Variants in COL19A1 observed in about 807,000 individuals in gnomAD.
COL19A1 encodes the protein collagen alpha-1(XIX) chain.
In COL19A1, 159 loss-of-function variants were observed where a neutral mutation model predicts 190.2. That is an observed-to-expected ratio of 0.84 (90% CI 0.73 to 0.95). COL19A1 has a LOEUF of 0.95. Ranked by LOEUF, COL19A1 falls within the 40% of genes least tolerant of loss-of-function variation. The probability of loss-of-function intolerance (pLI) is 0.00; values close to 1 mark genes in which losing one functional copy is unlikely to be tolerated. For missense variants in COL19A1, 1,418 were observed against 1,431.9 expected (o/e 0.99, Z 0.16); for synonymous variants, 509 against 458.9 (o/e 1.11, Z -1.39).
At chr6:70,069,070 T>G (rs949576373) in intron 15 of COL19A1, among the ~76,000 whole-genome samples, 1 of 152,130 alleles carries the variant, frequency 6.6e-6, no homozygotes, top group African/African-American at 2.4e-5. Flanking sequence ...GACCCCATTC[T>G]TGTGTTTTAC....
intron 48 of COL19A1, among the ~76,000 whole-genome samples, chr6:70,197,380 G>A (rs1265150457): frequency 6.6e-6 from 1 of 151,866 alleles, no homozygotes; most frequent in Admixed American, 6.6e-5. Flanking sequence ...CTGAGATCAC[G>A]CCACTGCACT....
At chr6:70,171,301 C>T (rs1392742225) in intron 40 of COL19A1, among the ~76,000 whole-genome samples, 1 of 152,162 alleles carries the variant, frequency 6.6e-6, no homozygotes, top group East Asian at 1.9e-4. Flanking sequence ...TAGCAACTTC[C>T]TTCACCACAG....
rs138668452 is a variant in COL19A1, at chr6:70,122,834, C to G, written c.1341+892C>G. ...CTAGCTAATTATAAAATCCCAGTTTCTCTCTCTTCAGAACAAGGTCAACAT... is the reference window on the plus strand; with the variant it reads ...CTAGCTAATTATAAAATCCCAGTTTGTCTCTCTTCAGAACAAGGTCAACAT... On this transcript the variant is annotated intron_variant, in intron 17 of 50. Transcript: ENST00000620364. 1.0e-3 allele frequency among the ~76,000 whole-genome samples: 157 copies of G among 152,256 alleles called. 2 individuals carry two copies. The highest frequency in any genetic ancestry group is 3.7e-3 in the African/African-American group (153 of 41,544).
intron 9 of COL19A1, among the ~76,000 whole-genome samples, chr6:69,949,339 A>G (rs1421269186): frequency 6.6e-6 from 1 of 151,698 alleles, no homozygotes; most frequent in Non-Finnish European, 1.5e-5. Flanking sequence ...CTAACTTGTC[A>G]CTTCATTTAG....
chr6:70,150,173 C>T lies in COL19A1; in HGVS notation c.2037+128C>T, dbSNP rs572305339. The T allele has an allele frequency of 1.2e-4, 115 of 969,360 alleles. 4 individuals carry two copies. The Admixed American group carries it at 2.1e-3, about 17-fold the overall frequency. The allele number at this position is 969,360 out of a possible 1,614,324, so 60.0% of individuals were successfully genotyped here. On this transcript the variant is annotated intron_variant, in intron 30 of 50. Transcript: ENST00000620364. ...TGACTGCTTGGTGATTTTGTTTATC[C>T]CCATTATTTTGTCGAGTGAAAAAAA...
At chr6:70,091,819 C>T (rs1782943573) in intron 15 of COL19A1, among the ~76,000 whole-genome samples, 1 of 152,112 alleles carries the variant, frequency 6.6e-6, no homozygotes, top group African/African-American at 2.4e-5. Context: ...GAAACCCTAA[C>T]CTTACTTTGG....
intron 16 of COL19A1, among the ~76,000 whole-genome samples, chr6:70,111,528 G>A (rs575407274): frequency 2.2e-4 from 33 of 152,204 alleles, no homozygotes; most frequent in South Asian, 2.1e-3. Flanking sequence ...GTACTTTTCA[G>A]CATGCTTAGA....
At chr6:69,940,398 T>C (rs1773396680) in intron 9 of COL19A1, among the ~76,000 whole-genome samples, 1 of 152,162 alleles carries the variant, frequency 6.6e-6, no homozygotes, top group East Asian at 1.9e-4. Flanking sequence ...TCACCGAGTT[T>C]ACAATCTTGT....
chr6:70,101,037 C>T (rs888414358), intron 15 of COL19A1, among the ~76,000 whole-genome samples: 5 of 152,168 alleles, frequency 3.3e-5, no homozygotes, highest in Admixed American at 6.6e-5. Context: ...AATCAGGCAA[C>T]TTTGCCTGAC....
intron 34 of COL19A1, among the ~76,000 whole-genome samples, chr6:70,160,330 T>G (rs1280039481): frequency 2.6e-5 from 4 of 152,048 alleles, no homozygotes; most frequent in Non-Finnish European, 5.9e-5. Context: ...TTACTCACTA[T>G]CATGAGAACA....
intron 48 of COL19A1, among the ~76,000 whole-genome samples, chr6:70,196,291 T>A (rs1180993287): frequency 6.6e-6 from 1 of 152,192 alleles, no homozygotes; most frequent in African/African-American, 2.4e-5. Flanking sequence ...CAAAAGGAGA[T>A]TTACAAAATA....
intron 15 of COL19A1, among the ~76,000 whole-genome samples, chr6:70,089,563 T>C (rs1455475430): frequency 2.0e-5 from 3 of 152,206 alleles, no homozygotes; most frequent in Admixed American, 6.5e-5. Flanking sequence ...CCAACTGACA[T>C]ATTGCTCATT....
intron 11 of COL19A1, among the ~76,000 whole-genome samples, chr6:69,992,014 CAGGG>C (rs1776652992): frequency 6.6e-6 from 1 of 151,940 alleles, no homozygotes; most frequent in African/African-American, 2.4e-5. Context: ...GGTTATCTTC[CAGGG>C]TTTTTACAGT....
rs201530468 is a variant in COL19A1 at position 70,207,296 on chromosome 6, T to A, written c.*22T>A. Reference sequence around the variant, plus strand: ...TTGAACACACCTGAAGAAGACTTGGTTCCTGGTAACATTTCCTTGCCACTG... The same window carrying A: ...TTGAACACACCTGAAGAAGACTTGGATCCTGGTAACATTTCCTTGCCACTG... On this transcript the variant is annotated 3_prime_UTR_variant, in exon 51 of 51. Coordinates refer to ENST00000620364, the MANE Select transcript of COL19A1 (RefSeq NM_001858.6). The A allele has an allele frequency of 1.1e-4, 180 of 1,605,608 alleles. No individual in the cohort carries two copies. Among genetic ancestry groups the A allele is most frequent in the East Asian group, 6.7e-4 (30 of 44,584 alleles).
intron 2 of COL19A1, chr6:69,889,984 G>C (rs1052191802): frequency 2.0e-5 from 3 of 152,394 alleles, no homozygotes; most frequent in African/African-American, 7.2e-5. Flanking sequence ...TTGCCGCGAA[G>C]GTCCACGGCT....
At chr6:69,981,411 T>C (rs1026184141) in intron 11 of COL19A1, among the ~76,000 whole-genome samples, 5 of 152,164 alleles carry the variant, frequency 3.3e-5, no homozygotes, top group Non-Finnish European at 7.4e-5. Context: ...GAAAAATGTA[T>C]ATAATATAAC....
Position 69,929,518 on chromosome 6 carries a change from G to T in COL19A1, c.484G>T (p.Glu162Ter). 1 of 1,614,000 alleles carries T rather than the reference G, an allele frequency of 6.2e-7. No homozygotes were observed. The highest frequency in any genetic ancestry group is 8.5e-7 in the Non-Finnish European group (1 of 1,179,968). ...DVLNYIFRNR[E>*]LRPLFDRQWH... The stretch of plus-strand genomic sequence containing the variant: ...GTTGAACTACATTTTTAGAAATCGA[G>T]AACTCCGTCCTTTGTTTGATCGTCA... The change falls in exon 6 of 51, where the codon GAA (glutamate) becomes TAA (stop). Residue 162 changes from glutamate to a stop codon, truncating the protein, a stop_gained. Coordinates refer to ENST00000620364, the MANE Select transcript of COL19A1 (RefSeq NM_001858.6). LOFTEE classifies it high-confidence loss of function.
At position 69,920,104 on chromosome 6, in the gene COL19A1, A is replaced by C. The variant is rs117433929; in HGVS notation, c.267-7805A>C. Among the ~76,000 whole-genome samples, 829 of 152,268 alleles carry C rather than the reference A, an allele frequency of 5.4e-3. 18 individuals carry two copies. In the East Asian group the frequency reaches 0.068, roughly 13 times the overall value. On this transcript the variant is annotated intron_variant, in intron 4 of 50. Coordinates refer to ENST00000620364, the MANE Select transcript of COL19A1 (RefSeq NM_001858.6). ...AGCACAATTCATGCCCCTTGCAAAA[A>C]CTGAGAAAGTAGAGAAAATATAAAG... is the stretch of plus-strand genomic sequence containing the variant.
chr6:70,111,993 C>T (rs1784311931), intron 16 of COL19A1, among the ~76,000 whole-genome samples: 1 of 152,174 alleles, frequency 6.6e-6, no homozygotes, highest in African/African-American at 2.4e-5. Flanking sequence ...TGCCTTGAAA[C>T]TTGCATTTTC....
Sources: allele counts gnomAD v4.1 joint callset (sites outside exome capture counted in the v4.1 genomes callset), GRCh38; gene constraint gnomAD v4.1.1; transcripts MANE v1.5; gene names NCBI Gene and HGNC (gene_info 2026-07-23, HGNC 2026-07-21).